The following GLIS3 variants were observed in gnomAD, a reference collection of about 807,000 sequenced individuals.
The protein encoded by GLIS3 is zinc finger protein GLIS3.
A neutral mutation model predicts 78.6 loss-of-function variants in GLIS3; 53 were observed. That is an observed-to-expected ratio of 0.67 (90% CI 0.54 to 0.85). The LOEUF (loss-of-function observed/expected upper bound fraction) is 0.85, where lower values mean the gene tolerates loss of function less well. Among genes scored for constraint, GLIS3 ranks in the 40% least tolerant of loss-of-function variants. GLIS3 has a pLI of 0.00. For synonymous variants in GLIS3, 684 were observed against 509.9 expected (o/e 1.34, Z -4.60); for missense variants, 1,703 against 1,231.1 (o/e 1.38, Z -5.74).
intron 6 of GLIS3, among the ~76,000 whole-genome samples, chr9:3,899,730 T>C (rs532048762): frequency 1.3e-5 from 2 of 152,342 alleles, no homozygotes; most frequent in African/African-American, 2.4e-5. Flanking sequence ...AGTATGCTTA[T>C]GCAGTCAACA....
At chr9:4,129,635 C>A (rs1421575274) in intron 2 of GLIS3, among the ~76,000 whole-genome samples, 2 of 152,172 alleles carry the variant, frequency 1.3e-5, no homozygotes, top group Non-Finnish European at 2.9e-5. Context: ...CTGAGGCCTC[C>A]CCAGAAGCTT....
At chr9:4,165,025 G>A (rs1320362883) in intron 2 of GLIS3, among the ~76,000 whole-genome samples, 1 of 152,130 alleles carries the variant, frequency 6.6e-6, no homozygotes, top group Non-Finnish European at 1.5e-5. Flanking sequence ...TGGGACTTGT[G>A]GAAACCCATG....
At chr9:4,076,743 T>C (rs762516309) in intron 4 of GLIS3, among the ~76,000 whole-genome samples, 2 of 152,172 alleles carry the variant, frequency 1.3e-5, no homozygotes, top group Admixed American at 6.5e-5. Context: ...AAAAATATAA[T>C]GTGACTTTCT....
intron 2 of GLIS3, among the ~76,000 whole-genome samples, chr9:4,169,601 C>T (rs1586865970): frequency 6.6e-6 from 1 of 152,092 alleles, no homozygotes; most frequent in Non-Finnish European, 1.5e-5. Context: ...CTGTTAGTTT[C>T]CTGATTTTCA....
At position 4,118,201 on chromosome 9, in the gene GLIS3, C is replaced by T. The variant is rs1418412578; in HGVS notation, c.1277G>A (p.Gly426Asp). The change falls in exon 4 of 11, where the codon GGC becomes GAC. Residue 426 changes from glycine (G) to aspartate (D), a missense_variant. Coordinates refer to ENST00000381971, the MANE Select transcript of GLIS3 (RefSeq NM_001042413.2). This position sits in a 1 kb window ranked among gnomAD's most constrained non-coding sequence, Gnocchi z 4.7. Reference protein sequence around the residue: ...GLPGPDSQSAGLFKTERLEEF... With the variant: ...GLPGPDSQSADLFKTERLEEF... The stretch of plus-strand genomic sequence containing the variant: ...CTCCAGGCGTTCGGTCTTGAACAGG[C>T]CGGCCGACTGGCTGTCGGGGCCCGG... 5.0e-6 allele frequency: 8 copies of T among 1,584,944 alleles called. No homozygotes were observed. The highest frequency in any genetic ancestry group is 5.1e-6 in the Non-Finnish European group (6 of 1,165,552).
chr9:4,067,877 T>C (rs1296781980), intron 4 of GLIS3, among the ~76,000 whole-genome samples: 6 of 151,608 alleles, frequency 4.0e-5, no homozygotes, highest in African/African-American at 7.3e-5. Flanking sequence ...TAGTTAAAAA[T>C]AGAAATGAAG....
intron 4 of GLIS3, among the ~76,000 whole-genome samples, chr9:4,068,108 T>G (rs575296974): frequency 1.3e-4 from 20 of 152,216 alleles, no homozygotes; most frequent in African/African-American, 4.1e-4. Flanking sequence ...AGTGTTACTA[T>G]AAAAGGGCTG....
chr9:4,199,561 T>C (rs1390583025), intron 2 of GLIS3, among the ~76,000 whole-genome samples: 3 of 148,802 alleles, frequency 2.0e-5, no homozygotes, highest in Non-Finnish European at 4.5e-5. Flanking sequence ...CCAAAAAAGG[T>C]AATACATAAA....
At chr9:4,388,139 G>C in the GLIS3 span, among the ~76,000 whole-genome samples, 3 of 152,120 alleles carry the variant, frequency 2.0e-5, no homozygotes, top group East Asian at 3.8e-4. Flanking sequence ...TTATCCATGC[G>C]TAAGACTGGC....
intron 2 of GLIS3, among the ~76,000 whole-genome samples, chr9:4,131,525 T>C (rs1007609995): frequency 6.6e-6 from 1 of 152,192 alleles, no homozygotes; most frequent in East Asian, 1.9e-4. Context: ...AGAGTTCCCA[T>C]GAGATCTGGT....
At chr9:3,861,470 T>G (rs1211033760) in intron 8 of GLIS3, among the ~76,000 whole-genome samples, 1 of 152,052 alleles carries the variant, frequency 6.6e-6, no homozygotes, top group Non-Finnish European at 1.5e-5. Flanking sequence ...ATAAATCATA[T>G]AAAGATACAT....
Position 4,173,269 on chromosome 9 carries a change from T to C in GLIS3, c.389-47328A>G, listed in dbSNP as rs139066522. On this transcript the variant is annotated intron_variant, in intron 2 of 10. Transcript: ENST00000381971. The stretch of plus-strand genomic sequence containing the variant: ...GTGGCTACATTTCAGTAAAAGCTCC[T>C]ATTATATTAAGGCTTTAATGCCTTC... Among the ~76,000 whole-genome samples, 138 of 152,304 alleles carry C rather than the reference T, an allele frequency of 9.1e-4. 1 individual carries two copies. The highest frequency in any genetic ancestry group is 3.2e-3 in the African/African-American group (131 of 41,556).
chr9:4,250,573 T>G (rs1194232375), intron 2 of GLIS3, among the ~76,000 whole-genome samples: 1 of 143,896 alleles, frequency 6.9e-6, no homozygotes, highest in Non-Finnish European at 1.6e-5. Flanking sequence ...GCTCCCGTAT[T>G]CATTAATTTT....
chr9:4,204,162 G>C (rs906093906), intron 2 of GLIS3, among the ~76,000 whole-genome samples: 2 of 152,144 alleles, frequency 1.3e-5, no homozygotes, highest in Admixed American at 1.3e-4. Context: ...GCTGATGAAA[G>C]AATGATCTAC....
intron 2 of GLIS3, among the ~76,000 whole-genome samples, chr9:4,227,664 A>G (rs1281359158): frequency 6.6e-6 from 1 of 152,216 alleles, no homozygotes; most frequent in Non-Finnish European, 1.5e-5. Context: ...CAGCAGACCT[A>G]TCCGGGACTT....
the GLIS3 span, among the ~76,000 whole-genome samples, chr9:4,374,228 G>A: frequency 2.6e-5 from 4 of 152,206 alleles, no homozygotes; most frequent in Non-Finnish European, 4.4e-5. Flanking sequence ...TCCAAGAGAA[G>A]TTACAAAATG....
rs573384397 is a variant in GLIS3 at position 3,907,909 on chromosome 9, G to A, written c.1984-9074C>T. On this transcript the variant is annotated intron_variant, in intron 6 of 10. Coordinates refer to ENST00000381971, the MANE Select transcript of GLIS3 (RefSeq NM_001042413.2). ...TACTCTGATTTGGTTCAAGAATGTC[G>A]AGAGGCAATCAGCAGCACTTAAAAA... Among the ~76,000 whole-genome samples the A allele has an allele frequency of 2.6e-5, 4 of 152,270 alleles. No homozygotes were observed. In the South Asian group the frequency reaches 6.2e-4, roughly 24 times the overall value.
At chr9:4,226,304 C>T (rs1471333949) in intron 2 of GLIS3, among the ~76,000 whole-genome samples, 3 of 152,174 alleles carry the variant, frequency 2.0e-5, no homozygotes, top group Non-Finnish European at 4.4e-5. Context: ...CCCAACTAAA[C>T]TATAAAACTC....
chr9:4,027,185 A>G (rs1000128), intron 4 of GLIS3, among the ~76,000 whole-genome samples: 48,506 of 152,110 alleles, frequency 0.32, 7,849 homozygotes, highest in South Asian at 0.36. Context: ...AATGTTAGCA[A>G]CCTGGCTAAA....
Sources: gnomAD v4.1 joint callset for allele counts (sites outside exome capture counted in the v4.1 genomes callset) on GRCh38, gnomAD v4.1.1 for gene constraint, Gnocchi (gnomAD v3.1) non-coding constraint, MANE v1.5 for transcripts, NCBI Gene and HGNC (gene_info 2026-07-23, HGNC 2026-07-21) for gene names.